The following FMN2 variants were observed in gnomAD, a reference collection of about 807,000 sequenced individuals.
The protein encoded by FMN2 is formin 2.
Under a neutral mutation model 142.3 loss-of-function variants are expected in FMN2, and 51 were observed. The ratio of observed to expected loss-of-function variants is 0.36; its 90% CI spans 0.29 to 0.45. FMN2 has a LOEUF of 0.45. Among genes scored for constraint, FMN2 ranks in the 20% least tolerant of loss-of-function variants. The pLI, the probability that FMN2 is intolerant of heterozygous loss-of-function variation, is 1.00. For synonymous variants in FMN2, 882 were observed against 869.8 expected (o/e 1.01, Z -0.25); for missense variants, 1,936 against 2,122.8 (o/e 0.91, Z 1.73).
At position 240,259,246 on chromosome 1, in the gene FMN2, C is replaced by T. The variant is rs188992808; in HGVS notation, c.4153+1214C>T. 1.3e-3 allele frequency among the ~76,000 whole-genome samples: 191 copies of T among 152,290 alleles called. 1 individual carries two copies. The Middle Eastern group carries it at 0.02, about 16-fold the overall frequency. ...AAAATAATGATATGGTTCTTTCCTT[C>T]AGTCAAATATTCAACTCGGGTTGAG... On this transcript the variant is annotated intron_variant, in intron 7 of 17. Coordinates refer to ENST00000319653, the MANE Select transcript of FMN2 (RefSeq NM_020066.5).
intron 2 of FMN2, among the ~76,000 whole-genome samples, chr1:240,137,737 C>G (rs760768676): frequency 3.9e-5 from 6 of 151,900 alleles, no homozygotes. Context: ...TTTGAGTGGT[C>G]GAGGATGCCC....
chr1:240,143,265 AG>A, intron 2 of FMN2: 1 of 1,562,282 alleles, frequency 6.4e-7, no homozygotes, highest in Non-Finnish European at 8.8e-7. Context: ...TAATTTGCTT[AG>A]GGTATCCAGG....
intron 2 of FMN2, among the ~76,000 whole-genome samples, chr1:240,124,516 G>A (rs780131002): frequency 3.9e-5 from 6 of 152,244 alleles, no homozygotes; most frequent in Non-Finnish European, 7.3e-5. Context: ...ATTGCCAGTC[G>A]TTCTCAGGTA....
intron 6 of FMN2, among the ~76,000 whole-genome samples, chr1:240,243,601 G>C (rs1667984788): frequency 6.6e-6 from 1 of 152,132 alleles, no homozygotes; most frequent in African/African-American, 2.4e-5. Context: ...ACTAGCACCT[G>C]GCATTTGCAA....
chr1:240,319,371 T>C (rs537057861), intron 8 of FMN2, among the ~76,000 whole-genome samples: 1 of 152,340 alleles, frequency 6.6e-6, no homozygotes, highest in East Asian at 1.9e-4. Flanking sequence ...TTCTACATTA[T>C]ATCCCTTAGA....
intron 6 of FMN2, among the ~76,000 whole-genome samples, chr1:240,253,644 G>C (rs1478318556): frequency 6.6e-6 from 1 of 152,056 alleles, no homozygotes; most frequent in African/African-American, 2.4e-5. Flanking sequence ...ATGTTCATTT[G>C]GAGGTGTAAT....
intron 1 of FMN2, among the ~76,000 whole-genome samples, chr1:240,104,019 G>C (rs1661510500): frequency 1.3e-5 from 2 of 151,646 alleles, no homozygotes; most frequent in African/African-American, 4.8e-5. Flanking sequence ...TGGGACTACA[G>C]GCGCCCGCCA....
intron 16 of FMN2, among the ~76,000 whole-genome samples, chr1:240,445,702 G>T (rs948494858): frequency 7.7e-5 from 11 of 143,342 alleles, no homozygotes; most frequent in African/African-American, 1.0e-4. Context: ...CCATCAAAGG[G>T]TTTTTTTTTT....
rs1322510450 is a variant in FMN2, at chr1:240,328,563, A to T, written c.4216-513A>T. On this transcript the variant is annotated intron_variant, in intron 8 of 17. Coordinates refer to ENST00000319653, the MANE Select transcript of FMN2 (RefSeq NM_020066.5). ...ATTAAACATATTTACACTTTATTTT[A>T]TTTATTTATTTATTTATTTATTTAT... Among the ~76,000 whole-genome samples the T allele has an allele frequency of 2.6e-4, 3 of 11,592 alleles. No individual in the cohort carries two copies. In the Admixed American group the frequency reaches 3.9e-3, roughly 15 times the overall value. 7.6% of individuals were successfully genotyped at this position (11,592 alleles called of 152,430 possible). A position where few individuals can be genotyped will look rare whatever the true frequency, so the allele number is the denominator to read the frequency against.
chr1:240,349,738 A>G (rs142919084), intron 13 of FMN2, among the ~76,000 whole-genome samples: 40 of 152,322 alleles, frequency 2.6e-4, no homozygotes, highest in African/African-American at 9.6e-4. Context: ...CTAGCCCTTC[A>G]ACATGATATA....
chr1:240,281,688 C>A (rs1347424236), intron 7 of FMN2, among the ~76,000 whole-genome samples: 1 of 152,004 alleles, frequency 6.6e-6, no homozygotes, highest in Non-Finnish European at 1.5e-5. Flanking sequence ...CTTTCAATGT[C>A]GTACCATTTA....
intron 7 of FMN2, among the ~76,000 whole-genome samples, chr1:240,268,807 G>A (rs529279401): frequency 1.3e-5 from 2 of 152,000 alleles, no homozygotes; most frequent in South Asian, 4.2e-4. Flanking sequence ...GTGATGTAGA[G>A]CATTTTTTCA....
At chr1:240,396,611 T>G (rs1673786909) in intron 15 of FMN2, among the ~76,000 whole-genome samples, 2 of 152,144 alleles carry the variant, frequency 1.3e-5, no homozygotes, top group African/African-American at 4.8e-5. Flanking sequence ...GTGATCCCCC[T>G]GCATTGTTGA....
At chr1:240,305,488 C>A (rs1558423109) in intron 8 of FMN2, among the ~76,000 whole-genome samples, 1 of 152,130 alleles carries the variant, frequency 6.6e-6, no homozygotes, top group Non-Finnish European at 1.5e-5. Context: ...ATAAGTTAAT[C>A]AAATAAGTTA....
intron 7 of FMN2, among the ~76,000 whole-genome samples, chr1:240,260,274 G>A (rs368325739): frequency 6.6e-6 from 1 of 152,090 alleles, no homozygotes; most frequent in East Asian, 1.9e-4. Context: ...ATCCAGTAGT[G>A]GGATTGCTGG....
intron 14 of FMN2, among the ~76,000 whole-genome samples, chr1:240,361,446 G>C (rs1447236820): frequency 6.6e-6 from 1 of 152,082 alleles, no homozygotes; most frequent in African/African-American, 2.4e-5. Flanking sequence ...CGCTGGTAAA[G>C]AAATGAGAAA....
intron 8 of FMN2, among the ~76,000 whole-genome samples, chr1:240,327,764 T>C (rs1391332827): frequency 2.0e-5 from 3 of 152,088 alleles, no homozygotes; most frequent in Non-Finnish European, 4.4e-5. Flanking sequence ...AGGAAACACA[T>C]TTAGAATGAC....
At chr1:240,180,986 T>A (rs1039225617) in intron 3 of FMN2, among the ~76,000 whole-genome samples, 1 of 152,072 alleles carries the variant, frequency 6.6e-6, no homozygotes, top group Non-Finnish European at 1.5e-5. Context: ...CTTCGTTCGT[T>A]GTTTTTTTCA....
At chr1:240,395,167 T>C (rs1429428955) in intron 15 of FMN2, among the ~76,000 whole-genome samples, 1 of 152,102 alleles carries the variant, frequency 6.6e-6, no homozygotes, top group Non-Finnish European at 1.5e-5. Flanking sequence ...AGCCTGCACA[T>C]CTGTTTACAG....
Sources: allele counts gnomAD v4.1 joint callset (sites outside exome capture counted in the v4.1 genomes callset), GRCh38; gene constraint gnomAD v4.1.1; transcripts MANE v1.5; gene names NCBI Gene and HGNC (gene_info 2026-07-23, HGNC 2026-07-21).